The following OR56A3 variants were observed in gnomAD, a reference collection of about 807,000 sequenced individuals.
OR56A3 encodes olfactory receptor family 56 subfamily A member 3, also known as olfactory receptor 56A3.
Under a neutral mutation model 17.5 loss-of-function variants are expected in OR56A3, and 23 were observed. That is an observed-to-expected ratio of 1.32 (90% CI 0.95 to 1.87). The LOEUF is 1.87. Ranked by LOEUF, OR56A3 falls within the 40% of genes most tolerant of loss-of-function variation. The pLI, the probability that OR56A3 is intolerant of heterozygous loss-of-function variation, is 0.00. For missense variants in OR56A3, 366 were observed against 380.1 expected (o/e 0.96, Z 0.31); for synonymous variants, 175 against 150.6 (o/e 1.16, Z -1.19).
chr11:6,001,764 C>T, the OR56A3 span: 1,132 of 321,716 alleles, frequency 3.5e-3, 8 homozygotes, highest in African/African-American at 0.022. Context: ...CATTCTAATA[C>T]AGCTCCATTT....
chr11:5,964,992 C>T, the OR56A3 span, among the ~76,000 whole-genome samples: 1 of 152,106 alleles, frequency 6.6e-6, no homozygotes, highest in African/African-American at 2.4e-5. Flanking sequence ...TGTGATCACT[C>T]ACCTGGTTTT....
intron 2 of OR56A3, among the ~76,000 whole-genome samples, chr11:5,946,438 T>A (rs1847870037): frequency 6.6e-6 from 1 of 152,164 alleles, no homozygotes; most frequent in Non-Finnish European, 1.5e-5. Context: ...ACTGAACTAC[T>A]GTCAGGAGAG....
At chr11:5,986,035 A>G in the OR56A3 span, 3 of 1,613,778 alleles carry the variant, frequency 1.9e-6, no homozygotes, top group East Asian at 6.7e-5. Context: ...TGGCATGAGG[A>G]GATACCGTGT....
the OR56A3 span, among the ~76,000 whole-genome samples, chr11:6,010,987 A>G: frequency 6.6e-6 from 1 of 152,094 alleles, no homozygotes; most frequent in South Asian, 2.1e-4. Flanking sequence ...CTGTATGTGT[A>G]TAACCACTAA....
the OR56A3 span, among the ~76,000 whole-genome samples, chr11:6,008,915 T>G: frequency 1.3e-5 from 2 of 152,136 alleles, no homozygotes; most frequent in African/African-American, 4.8e-5. Flanking sequence ...GGTCATGTTA[T>G]TCTGATTATT....
chr11:5,985,822 G>A, the OR56A3 span: 1 of 898,518 alleles, frequency 1.1e-6, no homozygotes, highest in African/African-American at 1.7e-5. Context: ...GCACTAGTAA[G>A]ACTAGAAGGA....
chr11:5,947,785 A>C lies in OR56A3; in HGVS notation c.439A>C (p.Lys147Gln). ...AATCATCACTGATCACTTTGTAGTC[A>C]AGGCTGCCATGTTTATTTTGACCAG... ...PSIITDHFVV[K>Q]AAMFILTRNV... The change falls in exon 3 of 3, where the codon AAG becomes CAG. Residue 147 changes from lysine to glutamine, a missense_variant. Lys to Gln is a moderately conservative substitution (Grantham distance 53). Transcript: ENST00000641160. 2 of 1,614,156 alleles carry C rather than the reference A, an allele frequency of 1.2e-6. No homozygotes were observed. The highest frequency in any genetic ancestry group is 1.7e-6 in the Non-Finnish European group (2 of 1,180,026).
At chr11:6,005,702 G>T in the OR56A3 span, among the ~76,000 whole-genome samples, 107 of 152,314 alleles carry the variant, frequency 7.0e-4, no homozygotes, top group South Asian at 1.2e-3. Context: ...TCTGGCTAGA[G>T]CTCATTTCTT....
chr11:5,982,897 C>T, the OR56A3 span, among the ~76,000 whole-genome samples: 1 of 152,186 alleles, frequency 6.6e-6, no homozygotes, highest in South Asian at 2.1e-4. Context: ...GAAATGAGAC[C>T]TGGTGCTCAG....
chr11:5,967,915 C>A, the OR56A3 span: 1 of 1,593,758 alleles, frequency 6.3e-7, no homozygotes, highest in South Asian at 1.1e-5. Flanking sequence ...AAGGTGATGT[C>A]ATCACAAGAG....
the OR56A3 span, among the ~76,000 whole-genome samples, chr11:6,006,018 A>G: frequency 1.2e-3 from 190 of 152,334 alleles, no homozygotes; most frequent in African/African-American, 4.1e-3. Context: ...TTAAGATCTG[A>G]ACAAAAGTAA....
the OR56A3 span, chr11:5,967,824 A>G: frequency 6.4e-7 from 1 of 1,566,028 alleles, no homozygotes; most frequent in Non-Finnish European, 8.7e-7. Flanking sequence ...AGTTTTCAAG[A>G]TAAAAAAGTA....
the OR56A3 span, among the ~76,000 whole-genome samples, chr11:5,982,788 T>G: frequency 6.6e-6 from 1 of 151,936 alleles, no homozygotes; most frequent in Admixed American, 6.6e-5. Context: ...TTTATGGGGG[T>G]TGTGGGGTCC....
the OR56A3 span, among the ~76,000 whole-genome samples, chr11:5,997,823 G>C: frequency 6.6e-6 from 1 of 152,088 alleles, no homozygotes; most frequent in Admixed American, 6.6e-5. Context: ...ATACAAAAAT[G>C]GGCTATAAAG....
chr11:5,993,241 T>C, the OR56A3 span, among the ~76,000 whole-genome samples: 1 of 152,188 alleles, frequency 6.6e-6, no homozygotes, highest in African/African-American at 2.4e-5. Flanking sequence ...TTTTAGGCCA[T>C]GTCAAAAGGC....
chr11:5,991,697 C>G, the OR56A3 span, among the ~76,000 whole-genome samples: 2 of 152,194 alleles, frequency 1.3e-5, no homozygotes, highest in Non-Finnish European at 2.9e-5. Context: ...ACTGTAAACC[C>G]AGAAACTGAC....
the OR56A3 span, among the ~76,000 whole-genome samples, chr11:5,976,146 G>A: frequency 6.6e-6 from 1 of 151,810 alleles, no homozygotes; most frequent in Non-Finnish European, 1.5e-5. Flanking sequence ...ACTGGGAGAG[G>A]GAGAGGAAAA....
At chr11:5,978,627 G>A in the OR56A3 span, among the ~76,000 whole-genome samples, 3 of 151,936 alleles carry the variant, frequency 2.0e-5, no homozygotes. Flanking sequence ...AGAGAGTATG[G>A]GGTTTTCTGG....
Position 5,947,980 on chromosome 11 carries a change from G to C in OR56A3, c.634G>C (p.Gly212Arg). 1 of 1,614,180 alleles carries C rather than the reference G, an allele frequency of 6.2e-7. No individual in the cohort carries two copies. The highest frequency in any genetic ancestry group is 8.5e-7 in the Non-Finnish European group (1 of 1,180,050). Residue 212 changes from glycine to arginine, a missense_variant, in exon 3 of 3, where the codon GGA becomes CGA. Gly to Arg is a moderately radical substitution (Grantham distance 125). Coordinates refer to ENST00000641160, the MANE Select transcript of OR56A3 (RefSeq NM_001003443.3). ...YQFAGGWTLLGSDLILIFLSY... is the reference protein window; with the variant it reads ...YQFAGGWTLLRSDLILIFLSY... ...ATTTGCTGGAGGCTGGACTCTGCTA[G>C]GATCTGACCTCATCCTTATCTTCCT...
Sources: gnomAD v4.1 joint callset for allele counts (sites outside exome capture counted in the v4.1 genomes callset) on GRCh38, gnomAD v4.1.1 for gene constraint, MANE v1.5 for transcripts, NCBI Gene and HGNC (gene_info 2026-07-23, HGNC 2026-07-21) for gene names.